BMP6: variants seen among roughly 807,000 people sequenced by gnomAD.
The protein encoded by BMP6 is VG-1-R.
In BMP6, 17 loss-of-function variants were observed where a neutral mutation model predicts 54.1. The ratio of observed to expected loss-of-function variants is 0.31; its 90% confidence interval spans 0.22 to 0.47. BMP6 has a LOEUF of 0.47. BMP6 is among the 20% of genes least tolerant of loss of function. The pLI is 1.00. For missense variants in BMP6, 720 were observed against 690.4 expected, an observed-to-expected ratio of 1.04 and a Z score of -0.48; for synonymous variants, 328 against 291.2, an observed-to-expected ratio of 1.13 and a Z score of -1.28.
rs142910454 is a variant in BMP6, at chr6:7,798,324, G to A, written c.665-46816G>A. ...AGAGGGTGAGGACTTCGAGCCCAGC[G>A]GGGACCACAGGGATGGTCTGGACCA... is the stretch of plus-strand genomic sequence containing the variant. On this transcript the variant is annotated intron_variant, in intron 1 of 6. Coordinates refer to ENST00000283147, the MANE Select transcript of BMP6 (RefSeq NM_001718.6). Among the ~76,000 whole-genome samples the A allele has an allele frequency of 1.3e-3, 197 of 152,264 alleles. 3 individuals carry two copies. The highest frequency in any genetic ancestry group is 4.5e-3 in the African/African-American group (185 of 41,562).
At chr6:7,776,823 A>G (rs1001661946) in intron 1 of BMP6, among the ~76,000 whole-genome samples, 1 of 152,190 alleles carries the variant, frequency 6.6e-6, no homozygotes, top group Non-Finnish European at 1.5e-5. Context: ...TTTTATTGAT[A>G]TGGGAAGCTG....
At chr6:7,763,472 C>CT (rs1405469297) in intron 1 of BMP6, among the ~76,000 whole-genome samples, 3 of 152,194 alleles carry the variant, frequency 2.0e-5, no homozygotes, top group Non-Finnish European at 4.4e-5. Context: ...ATCCCATCGC[C>CT]TTTTATGTCC....
intron 1 of BMP6, among the ~76,000 whole-genome samples, chr6:7,772,274 G>A (rs775810188): frequency 6.6e-5 from 10 of 152,142 alleles, no homozygotes; most frequent in Non-Finnish European, 1.3e-4. Flanking sequence ...CATTGTTCAC[G>A]GAAAAGGCAT....
Position 7,727,202 on chromosome 6 carries a change from ATCT to A in BMP6, c.249_251del (p.Ile83_Leu84delinsMet). The A allele has an allele frequency of 6.2e-7, 1 of 1,604,412 alleles. No individual in the cohort carries two copies. The highest frequency in any genetic ancestry group is 2.3e-5 in the East Asian group (1 of 44,430). ...GGAGAAGCGGGAGATGCAGAAGGAG[ATCT>A]TGTCGGTGCTGGGGCTCCCGCACCG... is the stretch of plus-strand genomic sequence containing the variant. On this transcript the variant is annotated inframe_deletion, in exon 1 of 7. Coordinates refer to ENST00000283147, the MANE Select transcript of BMP6 (RefSeq NM_001718.6).
At chr6:7,779,986 A>G (rs534988762) in intron 1 of BMP6, among the ~76,000 whole-genome samples, 1 of 152,244 alleles carries the variant, frequency 6.6e-6, no homozygotes, top group Non-Finnish European at 1.5e-5. Flanking sequence ...ACCAATTTAC[A>G]GCTCCGGTTC....
At chr6:7,739,657 G>A (rs889221907) in intron 1 of BMP6, among the ~76,000 whole-genome samples, 10 of 96,426 alleles carry the variant, frequency 1.0e-4, no homozygotes, top group South Asian at 5.6e-4. Context: ...TCATGTAATA[G>A]AACAGTTTTG....
intron 1 of BMP6, among the ~76,000 whole-genome samples, chr6:7,800,565 G>T (rs1252522394): frequency 6.6e-6 from 1 of 152,098 alleles, no homozygotes; most frequent in Non-Finnish European, 1.5e-5. Flanking sequence ...GGGTGGCAAG[G>T]TCTTTGTTTT....
chr6:7,744,851 G>A (rs1757323909), intron 1 of BMP6, among the ~76,000 whole-genome samples: 1 of 152,156 alleles, frequency 6.6e-6, no homozygotes, highest in Non-Finnish European at 1.5e-5. Flanking sequence ...TTTCCTGTTG[G>A]CATTCCTGCT....
At chr6:7,799,194 C>T (rs994021640) in intron 1 of BMP6, among the ~76,000 whole-genome samples, 2 of 152,154 alleles carry the variant, frequency 1.3e-5, no homozygotes, top group African/African-American at 4.8e-5. Context: ...ATGGAATAAC[C>T]TCATTTTAAG....
chr6:7,768,380 AAGGTTTCTCTGGCGTTGGTTCCTTTGG>A (rs1377938632), intron 1 of BMP6, among the ~76,000 whole-genome samples: 1 of 152,096 alleles, frequency 6.6e-6, no homozygotes, highest in East Asian at 1.9e-4. Context: ...CTTAGGATTC[AAGGTTTCTCTGGCGTTGGTTCCTTTGG>A]AGGTTTCTGC....
chr6:7,730,681 A>T (rs1029338574), intron 1 of BMP6, among the ~76,000 whole-genome samples: 1 of 152,224 alleles, frequency 6.6e-6, no homozygotes, highest in Non-Finnish European at 1.5e-5. Context: ...TAGGAAGGAC[A>T]GTTCATTTGA....
At chr6:7,856,818 G>A (rs966493718) in intron 2 of BMP6, among the ~76,000 whole-genome samples, 11 of 151,380 alleles carry the variant, frequency 7.3e-5, no homozygotes, top group Non-Finnish European at 1.0e-4. Context: ...GGATGGTCTC[G>A]ATCTCCTGAC....
At chr6:7,851,352 A>T (rs1465174860) in intron 2 of BMP6, among the ~76,000 whole-genome samples, 1 of 152,080 alleles carries the variant, frequency 6.6e-6, no homozygotes, top group Non-Finnish European at 1.5e-5. Context: ...GAAGTTTCTG[A>T]TGCTGTTGTA....
chr6:7,866,414 C>T (rs1269439477), intron 4 of BMP6, among the ~76,000 whole-genome samples: 1 of 152,226 alleles, frequency 6.6e-6, no homozygotes, highest in African/African-American at 2.4e-5. Flanking sequence ...TGTTATCATT[C>T]ACTCTCTTTT....
At position 7,880,393 on chromosome 6, in the gene BMP6, A is replaced by C. The variant is rs369810565; in HGVS notation, c.*50A>C. The C allele has an allele frequency of 1.9e-6, 3 of 1,606,378 alleles. No homozygotes were observed. The highest frequency in any genetic ancestry group is 2.2e-5 in the East Asian group (1 of 44,730). On this transcript the variant is annotated 3_prime_UTR_variant, in exon 7 of 7. Coordinates refer to ENST00000283147, the MANE Select transcript of BMP6 (RefSeq NM_001718.6). ...ACATTCTGCCTTGGATTCCTAGATT[A>C]CATCTGCCTTAAAAAAACACGGAAG...
chr6:7,766,722 C>CTACA (rs1292061785), intron 1 of BMP6, among the ~76,000 whole-genome samples: 1 of 152,118 alleles, frequency 6.6e-6, no homozygotes, highest in Non-Finnish European at 1.5e-5. Context: ...AAAGAATAGC[C>CTACA]TACATCATTA....
At chr6:7,841,530 AAACT>A (rs1235374619) in intron 1 of BMP6, among the ~76,000 whole-genome samples, 1 of 152,226 alleles carries the variant, frequency 6.6e-6, no homozygotes, top group Non-Finnish European at 1.5e-5. Flanking sequence ...ATTAGCAAAC[AAACT>A]GTGTACATTC....
intron 1 of BMP6, among the ~76,000 whole-genome samples, chr6:7,812,947 T>G (rs541179976): frequency 1.4e-5 from 2 of 142,164 alleles, no homozygotes; most frequent in South Asian, 2.4e-4. Context: ...GTATCTGTGT[T>G]TTCAGTGATT....
chr6:7,820,429 G>A (rs1310262457), intron 1 of BMP6, among the ~76,000 whole-genome samples: 1 of 152,166 alleles, frequency 6.6e-6, no homozygotes, highest in Non-Finnish European at 1.5e-5. Flanking sequence ...GTGTTTTTCT[G>A]GCTCTCGGGA....
Sources: gnomAD v4.1 joint callset for allele counts (sites outside exome capture counted in the v4.1 genomes callset) on GRCh38, gnomAD v4.1.1 for gene constraint, MANE v1.5 for transcripts, NCBI Gene and HGNC (gene_info 2026-07-23, HGNC 2026-07-21) for gene names.